CACNA2D3: variants seen among roughly 807,000 people sequenced by gnomAD.
The protein encoded by CACNA2D3 is calcium voltage-gated channel auxiliary subunit alpha2delta 3.
A neutral mutation model predicts 160.6 loss-of-function variants in CACNA2D3; 60 were observed. That is an observed-to-expected ratio of 0.37 (90% CI 0.30 to 0.46). The LOEUF is 0.46. Among genes scored for constraint, CACNA2D3 ranks in the 20% least tolerant of loss-of-function variants. The pLI, the probability that CACNA2D3 is intolerant of heterozygous loss-of-function variation, is 1.00. For synonymous variants in CACNA2D3, 558 were observed against 492.9 expected, an observed-to-expected ratio of 1.13 and a Z score of -1.75; for missense variants, 1,205 against 1,365.0, an observed-to-expected ratio of 0.88 and a Z score of 1.85.
chr3:54,347,431 G>C (rs527506903), intron 3 of CACNA2D3, among the ~76,000 whole-genome samples: 2 of 152,186 alleles, frequency 1.3e-5, no homozygotes, highest in African/African-American at 4.8e-5. Flanking sequence ...CTGAAGTGGG[G>C]ATCTTTACTC....
intron 5 of CACNA2D3, among the ~76,000 whole-genome samples, chr3:54,522,118 C>G (rs1701655300): frequency 1.3e-5 from 2 of 151,596 alleles, no homozygotes; most frequent in African/African-American, 4.8e-5. Flanking sequence ...GGATCTGTAG[C>G]TTTTTTTTGG....
At chr3:54,541,940 T>A (rs1445543060) in intron 5 of CACNA2D3, among the ~76,000 whole-genome samples, 1 of 148,194 alleles carries the variant, frequency 6.7e-6, no homozygotes, top group Non-Finnish European at 1.5e-5. Context: ...GTGTGTGGGT[T>A]TTTTTTTTTT....
chr3:54,891,175 G>T (rs919091157), intron 24 of CACNA2D3, among the ~76,000 whole-genome samples, 180 bp from the exon 25 acceptor site: 8 of 137,890 alleles, frequency 5.8e-5, no homozygotes, highest in Non-Finnish European at 1.1e-4. Flanking sequence ...TTGGCAATCT[G>T]TGCTCGTGTG....
At chr3:54,605,321 C>T (rs615970) in intron 9 of CACNA2D3, among the ~76,000 whole-genome samples, 222 of 152,270 alleles carry the variant, frequency 1.5e-3, no homozygotes, top group African/African-American at 5.1e-3. Context: ...CTGGTTGAAA[C>T]CCACATGCCT....
chr3:54,185,717 A>G (rs774688004), intron 2 of CACNA2D3, among the ~76,000 whole-genome samples: 1 of 152,216 alleles, frequency 6.6e-6, no homozygotes, highest in Admixed American at 6.5e-5. Context: ...ACAATATTAA[A>G]TGATGGACAT....
At position 54,736,057 on chromosome 3, in the gene CACNA2D3, G is replaced by GTATATATATACATACATATATA. The variant is rs1212687939; in HGVS notation, c.1168-16539_1168-16538insATATATACATACATATATATAT. Among the ~76,000 whole-genome samples the GTATATATATACATACATATATA allele has an allele frequency of 7.0e-5, 3 of 42,842 alleles. 1 individual carries two copies. Among genetic ancestry groups the GTATATATATACATACATATATA allele is most frequent in the East Asian group, 9.5e-4 (2 of 2,102 alleles). 28.1% of individuals were successfully genotyped at this position (42,842 alleles called of 152,430 possible). Reference sequence around the variant, plus strand: ...TATGTATATATATACACATACATATGTATGTATATATATATACATATATAT... The same window carrying GTATATATATACATACATATATA: ...TATGTATATATATACACATACATATGTATATATATACATACATATATATATGTATATATATATACATATATAT... On this transcript the variant is annotated intron_variant, in intron 11 of 37. Coordinates refer to ENST00000474759, the MANE Select transcript of CACNA2D3 (RefSeq NM_018398.3).
At chr3:54,134,072 T>C (rs1160309800) in intron 2 of CACNA2D3, among the ~76,000 whole-genome samples, 2 of 152,230 alleles carry the variant, frequency 1.3e-5, no homozygotes, top group Non-Finnish European at 2.9e-5. Context: ...TAGATATTTA[T>C]TGGTGCTTAT....
intron 2 of CACNA2D3, among the ~76,000 whole-genome samples, chr3:54,291,108 C>T (rs906258182): frequency 3.9e-5 from 6 of 152,120 alleles, no homozygotes; most frequent in East Asian, 1.9e-4. Flanking sequence ...TGGAAAACAT[C>T]GTGGCAGGTT....
chr3:54,444,487 A>G (rs951407535), intron 4 of CACNA2D3, among the ~76,000 whole-genome samples: 1 of 152,174 alleles, frequency 6.6e-6, no homozygotes, highest in Non-Finnish European at 1.5e-5. Flanking sequence ...GGGCCTTTTC[A>G]TAAAGTGGTC....
chr3:54,903,394 T>G (rs924500341), intron 27 of CACNA2D3, among the ~76,000 whole-genome samples: 7 of 152,246 alleles, frequency 4.6e-5, no homozygotes, highest in African/African-American at 1.7e-4. Flanking sequence ...TCTCATTCTT[T>G]TTTTATGGCT....
At chr3:54,864,891 C>G (rs929081491) in intron 17 of CACNA2D3, among the ~76,000 whole-genome samples, 2 of 152,078 alleles carry the variant, frequency 1.3e-5, no homozygotes, top group Non-Finnish European at 2.9e-5. Context: ...ACCACGTGAC[C>G]TGCCTTTCCT....
intron 11 of CACNA2D3, among the ~76,000 whole-genome samples, chr3:54,746,903 A>G (rs769829834): frequency 6.6e-6 from 1 of 152,164 alleles, no homozygotes; most frequent in Non-Finnish European, 1.5e-5. Flanking sequence ...AAGTATAGTT[A>G]GCTAATCCTG....
intron 27 of CACNA2D3, among the ~76,000 whole-genome samples, chr3:54,965,019 A>T (rs1702116929): frequency 6.6e-6 from 1 of 152,116 alleles, no homozygotes; most frequent in Admixed American, 6.5e-5. Context: ...CTTCGATACT[A>T]AAGACCTTCA....
chr3:54,140,665 G>A (rs1699907409), intron 2 of CACNA2D3, among the ~76,000 whole-genome samples: 1 of 152,136 alleles, frequency 6.6e-6, no homozygotes. Flanking sequence ...TTAGCTGTGT[G>A]GCCTTAGGCA....
intron 27 of CACNA2D3, among the ~76,000 whole-genome samples, chr3:54,940,062 C>T (rs1468653898): frequency 1.3e-5 from 2 of 152,198 alleles, no homozygotes; most frequent in Non-Finnish European, 2.9e-5. Context: ...GCTGACCTTA[C>T]AGCCTTCCCA....
At chr3:54,915,350 A>G (rs1262056562) in intron 27 of CACNA2D3, among the ~76,000 whole-genome samples, 1 of 152,202 alleles carries the variant, frequency 6.6e-6, no homozygotes, top group Non-Finnish European at 1.5e-5. Flanking sequence ...CAAGGCAAAA[A>G]TCACCCGTCT....
chr3:54,204,884 C>A (rs1701246950), intron 2 of CACNA2D3, among the ~76,000 whole-genome samples: 1 of 149,200 alleles, frequency 6.7e-6, no homozygotes, highest in East Asian at 2.0e-4. Context: ...AACTTACCAT[C>A]TCCTCAAAGA....
At chr3:54,930,627 A>C (rs887022152) in intron 27 of CACNA2D3, among the ~76,000 whole-genome samples, 5 of 152,196 alleles carry the variant, frequency 3.3e-5, no homozygotes, top group Admixed American at 3.3e-4. Context: ...CTAAATGAAG[A>C]AGCACACTTT....
At chr3:54,725,818 C>A (rs2106999960) in intron 11 of CACNA2D3, among the ~76,000 whole-genome samples, 1 of 152,248 alleles carries the variant, frequency 6.6e-6, no homozygotes, top group Admixed American at 6.5e-5. Flanking sequence ...ACTGAATGGG[C>A]AAAAACTGGA....
Sources: gnomAD v4.1 joint callset for allele counts (sites outside exome capture counted in the v4.1 genomes callset) on GRCh38, gnomAD v4.1.1 for gene constraint, MANE v1.5 for transcripts, NCBI Gene and HGNC (gene_info 2026-07-23, HGNC 2026-07-21) for gene names.